UMAD1: variants seen among roughly 807,000 people sequenced by gnomAD.
UMAD1 encodes UBAP1-MVB12-associated (UMA) domain containing 1, also known as UBAP1-MVB12-associated (UMA)-domain containing protein 1.
In UMAD1, 8 loss-of-function variants were observed where a neutral mutation model predicts 6.1. That is an observed-to-expected ratio of 1.30 (90% confidence interval 0.76 to 2.35). The LOEUF is 2.35. UMAD1 is among the 30% of genes most tolerant of loss of function. UMAD1 has a pLI of 0.00. For missense variants in UMAD1, 130 were observed against 78.4 expected, an observed-to-expected ratio of 1.66 and a Z score of -2.49; for synonymous variants, 56 against 31.4, an observed-to-expected ratio of 1.78 and a Z score of -2.61.
Position 7,830,785 on chromosome 7 carries a change from G to A in UMAD1, c.156+29042G>A, listed in dbSNP as rs762588709. On this transcript the variant is annotated intron_variant, in intron 3 of 3. Coordinates refer to ENST00000682710, the MANE Select transcript of UMAD1 (RefSeq NM_001302348.2). This position sits in a 1 kb window ranked among gnomAD's most constrained non-coding sequence, Gnocchi z 5.3. ...TAAGTTCTATGAATCTTTACTTGCCGATCTTGTATCTTTCAGTACTGGATA... is the reference window on the plus strand; with the variant it reads ...TAAGTTCTATGAATCTTTACTTGCCAATCTTGTATCTTTCAGTACTGGATA... 3.3e-5 allele frequency among the ~76,000 whole-genome samples: 5 copies of A among 152,066 alleles called. No homozygotes were observed. Among genetic ancestry groups the A allele is most frequent in the African/African-American group, 1.2e-4 (5 of 41,418 alleles).
chr7:7,710,354 G>A (rs1400583676), intron 2 of UMAD1, among the ~76,000 whole-genome samples: 2 of 151,938 alleles, frequency 1.3e-5, no homozygotes, highest in Admixed American at 1.3e-4. Flanking sequence ...GCAAAACTCA[G>A]CAGTAAAAAA....
intron 2 of UMAD1, among the ~76,000 whole-genome samples, chr7:7,801,000 T>C (rs1259474565): frequency 1.3e-5 from 2 of 152,250 alleles, no homozygotes; most frequent in African/African-American, 4.8e-5. Flanking sequence ...TGATAATTAA[T>C]AAATTAAAAT....
intron 2 of UMAD1, among the ~76,000 whole-genome samples, chr7:7,789,992 CAG>C (rs1413582585): frequency 6.6e-6 from 1 of 152,090 alleles, no homozygotes. Context: ...AATCTTCTTA[CAG>C]AGTTATTTAT....
intron 2 of UMAD1, among the ~76,000 whole-genome samples, chr7:7,787,853 G>A (rs1397636835): frequency 1.3e-5 from 2 of 150,488 alleles, no homozygotes; most frequent in Admixed American, 1.3e-4. Context: ...TAAGCCTTTT[G>A]TTCAGCTTCT....
At chr7:7,751,769 A>G (rs960103271) in intron 2 of UMAD1, among the ~76,000 whole-genome samples, 13 of 152,158 alleles carry the variant, frequency 8.5e-5, no homozygotes, top group Admixed American at 3.9e-4. Context: ...ACCTCCTCCA[A>G]GGCTCTGCGA....
At chr7:7,658,155 G>T (rs1417253261) in intron 1 of UMAD1, among the ~76,000 whole-genome samples, 3 of 152,194 alleles carry the variant, frequency 2.0e-5, no homozygotes, top group Non-Finnish European at 4.4e-5. Flanking sequence ...TTTGCACATT[G>T]ATTTTGTATC....
chr7:7,735,551 A>G (rs1242004703), intron 2 of UMAD1, among the ~76,000 whole-genome samples: 1 of 152,102 alleles, frequency 6.6e-6, no homozygotes, highest in African/African-American at 2.4e-5. Context: ...CTGGAATTAC[A>G]GGGGCCCACC....
chr7:7,727,445 A>G (rs1017781978), intron 2 of UMAD1, among the ~76,000 whole-genome samples: 2 of 152,188 alleles, frequency 1.3e-5, no homozygotes, highest in African/African-American at 4.8e-5. Context: ...TTTGAAAATT[A>G]TATATGATCT....
chr7:7,651,713 A>G (rs1466061603), intron 1 of UMAD1, among the ~76,000 whole-genome samples: 1 of 152,168 alleles, frequency 6.6e-6, no homozygotes, highest in African/African-American at 2.4e-5. Context: ...TGGTTCACTC[A>G]ATTCCCAAAG....
At chr7:7,789,617 T>TTCC (rs1554328988) in intron 2 of UMAD1, among the ~76,000 whole-genome samples, 1 of 101,044 alleles carries the variant, frequency 9.9e-6, no homozygotes, top group African/African-American at 3.7e-5. Context: ...AAATACCCCT[T>TTCC]CTCCCCTCCC....
intron 2 of UMAD1, among the ~76,000 whole-genome samples, chr7:7,754,128 T>G (rs567882039): frequency 2.0e-5 from 3 of 152,066 alleles, no homozygotes; most frequent in African/African-American, 7.2e-5. Context: ...GAGGTTGCAG[T>G]GAGCCAAGAT....
intron 2 of UMAD1, among the ~76,000 whole-genome samples, chr7:7,789,702 C>T (rs1474174197): frequency 6.6e-6 from 1 of 151,736 alleles, no homozygotes; most frequent in Non-Finnish European, 1.5e-5. Flanking sequence ...ATATAAGTAG[C>T]ATCATACAGT....
In UMAD1 at chr7:7,805,020, G is replaced by C. The variant is rs566519239; in HGVS notation, c.156+3277G>C. Among the ~76,000 whole-genome samples the C allele has an allele frequency of 3.3e-5, 5 of 151,258 alleles. No individual in the cohort carries two copies. The East Asian group carries it at 9.8e-4, about 30-fold the overall frequency. ...AAACAAAACAAAACAAAACAAAAGTGAAAACACTGCTGAACGCTCGCTACC... is the reference window on the plus strand; with the variant it reads ...AAACAAAACAAAACAAAACAAAAGTCAAAACACTGCTGAACGCTCGCTACC... On this transcript the variant is annotated intron_variant, in intron 3 of 3. Coordinates refer to ENST00000682710, the MANE Select transcript of UMAD1 (RefSeq NM_001302348.2).
At chr7:7,721,296 C>T (rs1781044184) in intron 2 of UMAD1, among the ~76,000 whole-genome samples, 1 of 152,140 alleles carries the variant, frequency 6.6e-6, no homozygotes, top group East Asian at 1.9e-4. Flanking sequence ...ATCTCTTTTT[C>T]TGTCATTTGG....
chr7:7,768,473 G>A (rs966445668), intron 2 of UMAD1, among the ~76,000 whole-genome samples: 4 of 151,870 alleles, frequency 2.6e-5, no homozygotes, highest in African/African-American at 9.7e-5. Context: ...TTGCTTCCTC[G>A]GACCATGTTC....
At chr7:7,809,986 A>T (rs1274534569) in intron 3 of UMAD1, among the ~76,000 whole-genome samples, 1 of 152,030 alleles carries the variant, frequency 6.6e-6, no homozygotes, top group East Asian at 1.9e-4. Context: ...TGCATTAAAA[A>T]CTGGGTTTTG....
At chr7:7,642,551 A>C (rs1411265735) in intron 1 of UMAD1, among the ~76,000 whole-genome samples, 1 of 152,122 alleles carries the variant, frequency 6.6e-6, no homozygotes. Flanking sequence ...GACCACTTTT[A>C]AGCAAAGGCT....
chr7:7,778,275 T>TGTGTGTGTGA (rs1271237125), intron 2 of UMAD1, among the ~76,000 whole-genome samples: 19 of 110,652 alleles, frequency 1.7e-4, no homozygotes, highest in Admixed American at 4.7e-4. Flanking sequence ...TGTGTGTGTG[T>TGTGTGTGTGA]GAGAGAGAGA....
chr7:7,744,392 G>A (rs1368260840), intron 2 of UMAD1, among the ~76,000 whole-genome samples: 2 of 152,040 alleles, frequency 1.3e-5, no homozygotes, highest in African/African-American at 2.4e-5. Flanking sequence ...TTTGTGTACA[G>A]GCTTTTGTGT....
Sources: allele counts gnomAD v4.1 joint callset (sites outside exome capture counted in the v4.1 genomes callset), GRCh38; gene constraint gnomAD v4.1.1; non-coding constraint Gnocchi (gnomAD v3.1); transcripts MANE v1.5; gene names NCBI Gene and HGNC (gene_info 2026-07-23, HGNC 2026-07-21).